Variants in TTC27 observed in about 807,000 individuals in gnomAD.
TTC27 encodes the protein tetratricopeptide repeat protein 27.
In TTC27, 79 loss-of-function variants were observed where a neutral mutation model predicts 115.9. That is an observed-to-expected ratio of 0.68 (90% CI 0.57 to 0.82). TTC27 has a LOEUF of 0.82. Ranked by LOEUF, TTC27 falls within the 40% of genes least tolerant of loss-of-function variation. The pLI is 0.00. For synonymous variants in TTC27, 401 were observed against 356.0 expected (o/e 1.13, Z -1.42); for missense variants, 1,054 against 993.1 (o/e 1.06, Z -0.82).
intron 4 of TTC27, among the ~76,000 whole-genome samples, chr2:32,642,867 C>G (rs573365958): frequency 1.3e-5 from 2 of 152,142 alleles, no homozygotes; most frequent in Non-Finnish European, 2.9e-5. Flanking sequence ...AGGGTTTCAC[C>G]TTGTTGCTCA....
chr2:32,706,660 G>A (rs901827407), intron 10 of TTC27, among the ~76,000 whole-genome samples: 5 of 151,848 alleles, frequency 3.3e-5, no homozygotes, highest in Admixed American at 6.6e-5. Context: ...TGCCTCCCAG[G>A]TTCAAGCGAT....
chr2:32,775,626 A>G (rs186181076), intron 13 of TTC27, among the ~76,000 whole-genome samples: 116 of 152,360 alleles, frequency 7.6e-4, no homozygotes, highest in African/African-American at 2.6e-3. Flanking sequence ...TAGTCTCAAA[A>G]TAAGAATCCC....
intron 10 of TTC27, among the ~76,000 whole-genome samples, chr2:32,733,102 C>T (rs748224661): frequency 6.6e-5 from 10 of 152,170 alleles, no homozygotes; most frequent in African/African-American, 1.2e-4. Context: ...TCTTCTATGA[C>T]GAATCATTTG....
intron 10 of TTC27, among the ~76,000 whole-genome samples, chr2:32,723,724 C>CCTTCCTTCCTTCCTTCCT (rs1553311553): frequency 4.0e-5 from 1 of 25,068 alleles, no homozygotes; most frequent in Non-Finnish European, 8.7e-5. Flanking sequence ...CCCTCCCTCC[C>CCTTCCTTCCTTCCTTCCT]TCCCTCCTTC....
In TTC27 at chr2:32,811,167, G is replaced by A. The variant is rs1316193639; in HGVS notation, c.2142G>A (p.Leu714=). The part of the protein sequence containing the change: ...RVTNDGEIWR[L]YAHVYGNGQS... ...CAAATGATGGAGAAATCTGGAGGCT[G>A]TATGCCCACGTATATGGAAATGGGC... Residue 714 remains leucine, a synonymous_variant, in exon 17 of 20, where the codon CTG becomes CTA. Transcript: ENST00000317907. 5 of 1,614,170 alleles carry A rather than the reference G, an allele frequency of 3.1e-6. No homozygotes were observed. The highest frequency in any genetic ancestry group is 4.2e-6 in the Non-Finnish European group (5 of 1,180,034).
chr2:32,642,464 G>T (rs1310139278), intron 4 of TTC27, among the ~76,000 whole-genome samples: 2 of 151,634 alleles, frequency 1.3e-5, no homozygotes, highest in African/African-American at 4.8e-5. Flanking sequence ...TGTTGGCCGT[G>T]TTGGTTTCAA....
At chr2:32,681,974 ATATATATGTG>A (rs1451453976) in intron 9 of TTC27, among the ~76,000 whole-genome samples, 187 of 62,318 alleles carry the variant, frequency 3.0e-3, no homozygotes, top group Non-Finnish European at 5.7e-3. Context: ...ATATATATGT[ATATATATGTG>A]TGTGTGTGTG....
At chr2:32,666,362 T>G (rs1373580660) in intron 6 of TTC27, among the ~76,000 whole-genome samples, 9 of 150,918 alleles carry the variant, frequency 6.0e-5, no homozygotes. Context: ...TGTGTTACTT[T>G]TTTTTTTTTT....
intron 9 of TTC27, among the ~76,000 whole-genome samples, chr2:32,686,542 G>T (rs552278799): frequency 6.6e-6 from 1 of 152,014 alleles, no homozygotes; most frequent in South Asian, 2.1e-4. Context: ...TTGTGTTTGG[G>T]TAGAGACAGA....
intron 12 of TTC27, among the ~76,000 whole-genome samples, chr2:32,757,441 C>G (rs114900512): frequency 0.017 from 2,634 of 152,260 alleles, 77 homozygotes; most frequent in African/African-American, 0.059. Context: ...CTTTCTTTTA[C>G]TTGCACCTTA....
rs376008254 is a variant in TTC27, at chr2:32,698,482, C to CT, written c.1120-4310dup. On this transcript the variant is annotated intron_variant, in intron 9 of 19. Coordinates refer to ENST00000317907, the MANE Select transcript of TTC27 (RefSeq NM_017735.5). ...TTTTTTAGCATTTGGAACATGTTGT[C>CT]TTTTTTTTTTTTTTTGAGATGGAGT... is the stretch of plus-strand genomic sequence containing the variant. Among the ~76,000 whole-genome samples, 565 of 124,636 alleles carry CT rather than the reference C, an allele frequency of 4.5e-3. 7 individuals are homozygous for CT. Among genetic ancestry groups the CT allele is most frequent in the African/African-American group, 1.0e-2 (353 of 35,458 alleles). 81.8% of individuals were successfully genotyped at this position (124,636 alleles called of 152,430 possible).
chr2:32,808,339 C>T lies in TTC27; in HGVS notation c.1999-2685C>T, dbSNP rs1223694590. 2.6e-5 allele frequency among the ~76,000 whole-genome samples: 4 copies of T among 152,294 alleles called. No homozygotes were observed. The East Asian group carries it at 7.7e-4, about 29-fold the overall frequency. On this transcript the variant is annotated intron_variant, in intron 16 of 19. Transcript: ENST00000317907. ...CAATATCTGCCATGACCCTCAATGA[C>T]TCTCGTTATCTATTCCTCCAATGTG...
chr2:32,630,433 C>A (rs1020220850), intron 1 of TTC27, 90 bp from the exon 2 acceptor site: 24 of 1,043,086 alleles, frequency 2.3e-5, no homozygotes, highest in Non-Finnish European at 2.7e-5. Flanking sequence ...TTTTTGCACA[C>A]TAAAATGGTA....
chr2:32,744,963 C>G (rs1374993685), intron 12 of TTC27, among the ~76,000 whole-genome samples: 1 of 141,346 alleles, frequency 7.1e-6, no homozygotes, highest in African/African-American at 2.6e-5. Context: ...CAGGAGAATC[C>G]TTTGAGCCCG....
At chr2:32,673,223 G>A (rs1455496111) in intron 8 of TTC27, among the ~76,000 whole-genome samples, 1 of 92,290 alleles carries the variant, frequency 1.1e-5, no homozygotes, top group African/African-American at 4.6e-5. Context: ...TTCACCTTAT[G>A]CATTTTTTTT....
intron 7 of TTC27, among the ~76,000 whole-genome samples, chr2:32,667,007 G>A (rs1211306676): frequency 6.6e-6 from 1 of 150,952 alleles, no homozygotes; most frequent in Non-Finnish European, 1.5e-5. Context: ...GATAAATACT[G>A]TTTTTCTTCT....
At chr2:32,759,316 C>T (rs1159907586) in intron 13 of TTC27, among the ~76,000 whole-genome samples, 1 of 152,206 alleles carries the variant, frequency 6.6e-6, no homozygotes, top group African/African-American at 2.4e-5. Flanking sequence ...GACTAATGTT[C>T]ACCAAGCACT....
At chr2:32,720,371 A>G (rs1667883166) in intron 10 of TTC27, among the ~76,000 whole-genome samples, 1 of 152,186 alleles carries the variant, frequency 6.6e-6, no homozygotes, top group Non-Finnish European at 1.5e-5. Flanking sequence ...ATTTTGAATT[A>G]CTTACTTATT....
At chr2:32,633,431 GAGAC>G (rs1664289505) in intron 2 of TTC27, among the ~76,000 whole-genome samples, 1 of 151,590 alleles carries the variant, frequency 6.6e-6, no homozygotes, top group Non-Finnish European at 1.5e-5. Context: ...TTTTTTAAGA[GAGAC>G]AGGGTCTCGC....
Sources: allele counts gnomAD v4.1 joint callset (sites outside exome capture counted in the v4.1 genomes callset), GRCh38; gene constraint gnomAD v4.1.1; transcripts MANE v1.5; gene names NCBI Gene and HGNC (gene_info 2026-07-23, HGNC 2026-07-21).